Variants in TMC1 observed in about 807,000 individuals in gnomAD.
TMC1 encodes the protein transmembrane channel like 1, also known as transmembrane channel-like protein 1.
TMC1 carries 84 observed loss-of-function variants against 105.8 expected under a neutral mutation model. The observed-to-expected ratio is 0.79, with a 90% CI of 0.67 to 0.95. The LOEUF is 0.95. Ranked by LOEUF, TMC1 falls within the 40% of genes least tolerant of loss-of-function variation. The probability of loss-of-function intolerance (pLI) is 0.00; values close to 1 mark genes in which losing one functional copy is unlikely to be tolerated. For missense variants in TMC1, 817 were observed against 914.1 expected, an observed-to-expected ratio of 0.89 and a Z score of 1.37; for synonymous variants, 315 against 311.5, an observed-to-expected ratio of 1.01 and a Z score of -0.12.
intron 20 of TMC1, among the ~76,000 whole-genome samples, chr9:72,823,063 G>A (rs1828900759): frequency 6.6e-6 from 1 of 152,032 alleles, no homozygotes; most frequent in Non-Finnish European, 1.5e-5. Context: ...AGGTTATTGG[G>A]GAACAAGTAG....
At chr9:72,602,182 C>T (rs1168011559) in intron 2 of TMC1, among the ~76,000 whole-genome samples, 2 of 151,998 alleles carry the variant, frequency 1.3e-5, no homozygotes, top group African/African-American at 4.8e-5. Flanking sequence ...CTTGTTGTAG[C>T]TCGTTTAATC....
intron 8 of TMC1, among the ~76,000 whole-genome samples, chr9:72,707,112 G>A (rs1485904598): frequency 2.0e-5 from 3 of 152,266 alleles, no homozygotes; most frequent in African/African-American, 4.8e-5. Flanking sequence ...TGGCTGAGTA[G>A]TATTCCATCA....
rs369647363 is a variant in TMC1 at position 72,723,312 on chromosome 9, TTC to T, written c.363-16801_363-16800del. Among the ~76,000 whole-genome samples, 367 of 152,320 alleles carry T rather than the reference TTC, an allele frequency of 2.4e-3. 2 individuals are homozygous for T. The highest frequency in any genetic ancestry group is 8.2e-3 in the African/African-American group (341 of 41,584). On this transcript the variant is annotated intron_variant, in intron 8 of 23. Coordinates refer to ENST00000297784, the MANE Select transcript of TMC1 (RefSeq NM_138691.3). ...TTTCATCTTCTCCTCTTCTGCTCAT[TTC>T]TCTCTTTTTAAATTTTATCATAAAG... is the stretch of plus-strand genomic sequence containing the variant.
Position 72,700,713 on chromosome 9 carries a change from CAT to C in TMC1, c.362+100_362+101del, listed in dbSNP as rs72200654. The stretch of plus-strand genomic sequence containing the variant: ...GATTTTCTAAATCCTCTGAATATTC[CAT>C]ATATATATATATATATATATATATA... On this transcript the variant is annotated intron_variant, in intron 8 of 23. Transcript: ENST00000297784. The C allele has an allele frequency of 0.16, 49,666 of 312,222 alleles. 6,996 individuals carry two copies. Among genetic ancestry groups the C allele is most frequent in the Admixed American group, 0.19 (4,764 of 25,412 alleles). The allele number at this position is 312,222 out of a possible 1,614,324, so 19.3% of individuals were successfully genotyped here. A position where few individuals can be genotyped will look rare whatever the true frequency, so the allele number is the denominator to read the frequency against.
intron 5 of TMC1, among the ~76,000 whole-genome samples, chr9:72,661,553 A>G (rs369773884): frequency 6.6e-6 from 1 of 152,164 alleles, no homozygotes; most frequent in African/African-American, 2.4e-5. Flanking sequence ...GGATTTCCTC[A>G]GTAAGACATA....
At chr9:72,598,273 C>T (rs187591091) in intron 2 of TMC1, among the ~76,000 whole-genome samples, 239 of 152,228 alleles carry the variant, frequency 1.6e-3, no homozygotes, top group African/African-American at 5.4e-3. Context: ...GCTCTTGCTC[C>T]GACAACCCAT....
chr9:72,612,680 AT>A (rs1194938276), intron 2 of TMC1, among the ~76,000 whole-genome samples: 1 of 152,186 alleles, frequency 6.6e-6, no homozygotes, highest in African/African-American at 2.4e-5. Context: ...ATAGGCTATA[AT>A]TGAAAGACCC....
chr9:72,778,714 G>T (rs766022960), intron 13 of TMC1, among the ~76,000 whole-genome samples: 3 of 152,168 alleles, frequency 2.0e-5, no homozygotes, highest in Admixed American at 6.5e-5. Context: ...CATGGAATGA[G>T]GCCATTCTGA....
At chr9:72,572,460 T>A (rs7022577) in intron 1 of TMC1, among the ~76,000 whole-genome samples, 87,502 of 151,950 alleles carry the variant, frequency 0.58, 26,949 homozygotes, top group African/African-American at 0.81. Flanking sequence ...CTCCAAACTC[T>A]CTTTATTTTT....
In TMC1 at chr9:72,648,607, A is replaced by T; in HGVS notation, c.-42A>T. The T allele has an allele frequency of 6.2e-7, 1 of 1,605,092 alleles. No homozygotes were observed. The highest frequency in any genetic ancestry group is 8.5e-7 in the Non-Finnish European group (1 of 1,171,820). On this transcript the variant is annotated 5_prime_UTR_variant, in exon 5 of 24. Coordinates refer to ENST00000297784, the MANE Select transcript of TMC1 (RefSeq NM_138691.3). ...TCCTTCATCCTGCAGTCCCTCTCCA[A>T]ACTAGCCAGCCACTGAGACCTTCTG...
intron 1 of TMC1, among the ~76,000 whole-genome samples, chr9:72,561,329 A>AAG (rs1824046782): frequency 2.1e-5 from 3 of 145,228 alleles, no homozygotes; most frequent in Admixed American, 2.0e-4. Flanking sequence ...AAAAAAAAAA[A>AAG]AAAAAAAAAA....
intron 1 of TMC1, among the ~76,000 whole-genome samples, chr9:72,563,369 T>C (rs1188933339): frequency 6.6e-6 from 1 of 152,144 alleles, no homozygotes; most frequent in Non-Finnish European, 1.5e-5. Context: ...GGGTTGGAGA[T>C]TGATAAGAGC....
At chr9:72,725,345 ATATATATATATATATATATATATG>A (rs1269776385) in intron 8 of TMC1, among the ~76,000 whole-genome samples, 20 of 95,142 alleles carry the variant, frequency 2.1e-4, no homozygotes, top group East Asian at 8.6e-4. Flanking sequence ...ATATATATAT[ATATATATATATATATATATATATG>A]TATATACACA....
chr9:72,745,004 C>T lies in TMC1; in HGVS notation c.535+2479C>T, dbSNP rs536825031. Among the ~76,000 whole-genome samples, 6 of 152,264 alleles carry T rather than the reference C, an allele frequency of 3.9e-5. No homozygotes were observed. The South Asian group carries it at 1.0e-3, about 26-fold the overall frequency. On this transcript the variant is annotated intron_variant, in intron 10 of 23. Coordinates refer to ENST00000297784, the MANE Select transcript of TMC1 (RefSeq NM_138691.3). ...TTCTTCTAGTAAATTTGGAAAGCCA[C>T]GCTGGAAAATTGAGGCAAATGTAGA...
chr9:72,739,607 AC>A (rs1827355841), intron 8 of TMC1, among the ~76,000 whole-genome samples: 1 of 152,086 alleles, frequency 6.6e-6, no homozygotes, highest in Non-Finnish European at 1.5e-5. Context: ...AACCCCATTT[AC>A]TTTACAGAAT....
At chr9:72,615,757 T>TA (rs1334621769) in intron 2 of TMC1, among the ~76,000 whole-genome samples, 2 of 151,932 alleles carry the variant, frequency 1.3e-5, no homozygotes, top group African/African-American at 4.8e-5. Context: ...TTTCTTATTT[T>TA]TTTTTTTTTT....
intron 5 of TMC1, among the ~76,000 whole-genome samples, chr9:72,687,462 T>C (rs1354274453): frequency 6.6e-6 from 1 of 152,196 alleles, no homozygotes; most frequent in Admixed American, 6.5e-5. Flanking sequence ...CTTTCAGTAG[T>C]GACATAAAGA....
chr9:72,711,758 AGC>A (rs1826841965), intron 8 of TMC1, among the ~76,000 whole-genome samples: 1 of 152,130 alleles, frequency 6.6e-6, no homozygotes, highest in East Asian at 1.9e-4. Flanking sequence ...CCTGTGCAGA[AGC>A]TCTTCAGTGT....
chr9:72,836,831 T>G lies in TMC1; in HGVS notation c.*858T>G, dbSNP rs926977222. The G allele has an allele frequency of 3.3e-5, 5 of 152,050 alleles. No individual in the cohort carries two copies. 9.4% of individuals were successfully genotyped at this position (152,050 alleles called of 1,614,324 possible). A position where few individuals can be genotyped will look rare whatever the true frequency, so the allele number is the denominator to read the frequency against. ...AAACTCGATACAATTCTTGCCTCCT[T>G]GGAGGGAAGAATTCAGCTGAGGGGC... On this transcript the variant is annotated 3_prime_UTR_variant, in exon 24 of 24. Coordinates refer to ENST00000297784, the MANE Select transcript of TMC1 (RefSeq NM_138691.3).
Sources: allele counts gnomAD v4.1 joint callset (sites outside exome capture counted in the v4.1 genomes callset), GRCh38; gene constraint gnomAD v4.1.1; transcripts MANE v1.5; gene names NCBI Gene and HGNC (gene_info 2026-07-23, HGNC 2026-07-21).